Variants in AGBL4 observed in about 807,000 individuals in gnomAD.
AGBL4 encodes AGBL carboxypeptidase 4, also known as cytosolic carboxypeptidase 6.
Under a neutral mutation model 66.4 loss-of-function variants are expected in AGBL4, and 58 were observed. That is an observed-to-expected ratio of 0.87 (90% confidence interval 0.71 to 1.09). AGBL4 has a LOEUF of 1.09. AGBL4 is among the 50% of genes least tolerant of loss of function. The pLI is 0.00. For synonymous variants in AGBL4, 234 were observed against 222.9 expected, an observed-to-expected ratio of 1.05 and a Z score of -0.44; for missense variants, 579 against 631.0, an observed-to-expected ratio of 0.92 and a Z score of 0.88.
At chr1:49,112,716 A>T (rs1373165214) in intron 4 of AGBL4, among the ~76,000 whole-genome samples, 1 of 152,196 alleles carries the variant, frequency 6.6e-6, no homozygotes, top group East Asian at 1.9e-4. Context: ...CTCATCAATA[A>T]GAAGCAACTC....
intron 9 of AGBL4, chr1:48,634,201 T>A: frequency 5.0e-6 from 1 of 199,048 alleles, no homozygotes. Context: ...CAAGTCCTAT[T>A]TCTTTAGCTT....
At chr1:49,838,519 A>C (rs759549867) in intron 2 of AGBL4, among the ~76,000 whole-genome samples, 23 of 152,230 alleles carry the variant, frequency 1.5e-4, no homozygotes, top group Non-Finnish European at 2.9e-4. Context: ...CCTGCACAAG[A>C]TATTCCTAAA....
At chr1:49,940,682 C>G (rs1210899537) in intron 1 of AGBL4, among the ~76,000 whole-genome samples, 1 of 151,666 alleles carries the variant, frequency 6.6e-6, no homozygotes, top group Admixed American at 6.6e-5. Flanking sequence ...AGGGGAACAT[C>G]ACACTCTGGG....
In AGBL4 at chr1:49,170,305, T is replaced by C. The variant is rs1646713460; in HGVS notation, c.377+75465A>G. On this transcript the variant is annotated intron_variant, in intron 4 of 13. Transcript: ENST00000371839. ...TATTATAAATTTATATTCATATAAA[T>C]ATGTTATAAATTTATATTCATATAA... Among the ~76,000 whole-genome samples, 3 of 144,710 alleles carry C rather than the reference T, an allele frequency of 2.1e-5. No homozygotes were observed. The South Asian group carries it at 6.3e-4, about 31-fold the overall frequency. The allele number at this position is 144,710 out of a possible 152,430, so 94.9% of individuals were successfully genotyped here.
chr1:48,791,488 G>GAATGA, intron 6 of AGBL4, among the ~76,000 whole-genome samples: 1 of 152,238 alleles, frequency 6.6e-6, no homozygotes, highest in Middle Eastern at 3.4e-3. Flanking sequence ...TTGAGCCAAA[G>GAATGA]AATGAGCCCA....
Position 49,689,798 on chromosome 1 carries a change from T to C in AGBL4, c.282+7515A>G, listed in dbSNP as rs539812337. On this transcript the variant is annotated intron_variant, in intron 3 of 13. Transcript: ENST00000371839. ...GAGAGCTTTCAGTCCTTTGGTTAAG[T>C]TAATTCCTACGTGTTTAATTTTATT... Among the ~76,000 whole-genome samples the C allele has an allele frequency of 2.0e-5, 3 of 152,332 alleles. No individual in the cohort carries two copies. In the South Asian group the frequency reaches 6.2e-4, roughly 32 times the overall value.
intron 3 of AGBL4, among the ~76,000 whole-genome samples, chr1:49,417,286 GA>G (rs1427600849): frequency 1.3e-5 from 2 of 151,932 alleles, no homozygotes; most frequent in African/African-American, 2.4e-5. Context: ...AAGGAATACA[GA>G]AAAAAAGCGA....
At chr1:49,497,207 T>C (rs889482359) in intron 3 of AGBL4, among the ~76,000 whole-genome samples, 11 of 152,032 alleles carry the variant, frequency 7.2e-5, no homozygotes, top group African/African-American at 2.4e-4. Flanking sequence ...TTTGCCCATT[T>C]TTAAAAATAG....
At chr1:49,160,808 G>A (rs547832475) in intron 4 of AGBL4, among the ~76,000 whole-genome samples, 1 of 152,166 alleles carries the variant, frequency 6.6e-6, no homozygotes, top group African/African-American at 2.4e-5. Context: ...CCTGTGGTGG[G>A]CTCCAACCAA....
chr1:49,933,613 TA>T (rs540281072), intron 1 of AGBL4, among the ~76,000 whole-genome samples: 1 of 152,026 alleles, frequency 6.6e-6, no homozygotes, highest in Non-Finnish European at 1.5e-5. Context: ...GGATTCACAA[TA>T]AAAAAGACGC....
At chr1:48,629,544 T>A (rs2148408138) in intron 9 of AGBL4, among the ~76,000 whole-genome samples, 1 of 152,070 alleles carries the variant, frequency 6.6e-6, no homozygotes, top group East Asian at 1.9e-4. Context: ...AAACAAGACA[T>A]GGTTAGATGG....
rs149809095 is a variant in AGBL4, at chr1:49,685,252, G to A, written c.282+12061C>T. 1.7e-3 allele frequency among the ~76,000 whole-genome samples: 264 copies of A among 152,276 alleles called. 1 individual carries two copies. Among genetic ancestry groups the A allele is most frequent in the African/African-American group, 6.1e-3 (255 of 41,552 alleles). On this transcript the variant is annotated intron_variant, in intron 3 of 13. Coordinates refer to ENST00000371839, the MANE Select transcript of AGBL4 (RefSeq NM_032785.4). ...ATTCTTTTATGGCTGCACAGTAGTC[G>A]TGTATACATACCACATTTTCTTCAA...
At chr1:49,587,091 A>G (rs183685672) in intron 3 of AGBL4, among the ~76,000 whole-genome samples, 52 of 152,164 alleles carry the variant, frequency 3.4e-4, no homozygotes, top group African/African-American at 1.2e-3. Flanking sequence ...TAAAAATACA[A>G]AAAAATTAGA....
intron 13 of AGBL4, 23 bp downstream of exon 13, chr1:48,534,867 G>A: frequency 6.4e-7 from 1 of 1,550,614 alleles, no homozygotes; most frequent in Non-Finnish European, 8.7e-7. Flanking sequence ...TACGGGCAAT[G>A]TCATCTTGAA....
At chr1:49,549,113 T>C (rs144760061) in intron 3 of AGBL4, among the ~76,000 whole-genome samples, 1 of 152,250 alleles carries the variant, frequency 6.6e-6, no homozygotes, top group Non-Finnish European at 1.5e-5. Flanking sequence ...GAATGATCTT[T>C]TGTATTTCAG....
intron 5 of AGBL4, among the ~76,000 whole-genome samples, chr1:48,989,784 C>G (rs1660466839): frequency 6.6e-6 from 1 of 152,168 alleles, no homozygotes; most frequent in East Asian, 1.9e-4. Context: ...TGTTGATGGA[C>G]ACTTAGGTTG....
chr1:49,987,995 G>A (rs1244772770), intron 1 of AGBL4, among the ~76,000 whole-genome samples: 1 of 150,614 alleles, frequency 6.6e-6, no homozygotes, highest in Admixed American at 6.6e-5. Flanking sequence ...ATAAATCTTT[G>A]CTATACCTAG....
At chr1:49,117,257 C>T (rs1032839558) in intron 4 of AGBL4, among the ~76,000 whole-genome samples, 2 of 152,090 alleles carry the variant, frequency 1.3e-5, no homozygotes, top group Non-Finnish European at 2.9e-5. Context: ...GCTTTTGTTG[C>T]CATTGCTTTT....
At chr1:48,718,220 A>G (rs928930384) in intron 6 of AGBL4, among the ~76,000 whole-genome samples, 3 of 152,234 alleles carry the variant, frequency 2.0e-5, no homozygotes, top group Admixed American at 2.0e-4. Context: ...TGGAAATCCC[A>G]GTAGGGTCTA....
Sources: gnomAD v4.1 joint callset for allele counts (sites outside exome capture counted in the v4.1 genomes callset) on GRCh38, gnomAD v4.1.1 for gene constraint, MANE v1.5 for transcripts, NCBI Gene and HGNC (gene_info 2026-07-23, HGNC 2026-07-21) for gene names.